MRPS27: variants seen among roughly 807,000 people sequenced by gnomAD.
The protein encoded by MRPS27 is small ribosomal subunit protein mS27.
A neutral mutation model predicts 48.9 loss-of-function variants in MRPS27; 43 were observed. The ratio of observed to expected loss-of-function variants is 0.88; its 90% CI spans 0.69 to 1.13. The LOEUF (loss-of-function observed/expected upper bound fraction) is 1.13, where lower values mean the gene tolerates loss of function less well. MRPS27 is among the 50% of genes most tolerant of loss of function. MRPS27 has a pLI of 0.00. For missense variants in MRPS27, 467 were observed against 476.3 expected (o/e 0.98, Z 0.18); for synonymous variants, 188 against 171.9 (o/e 1.09, Z -0.73).
chr5:72,317,021 C>A (rs1750582632), intron 1 of MRPS27, among the ~76,000 whole-genome samples: 1 of 148,870 alleles, frequency 6.7e-6, no homozygotes, highest in Admixed American at 6.7e-5. Flanking sequence ...AAGAGCGAAA[C>A]TCCGTCTCAA....
At chr5:72,228,714 A>G (rs1025178014) in intron 7 of MRPS27, 1 of 180,914 alleles carries the variant, frequency 5.5e-6, no homozygotes, top group African/African-American at 2.4e-5. Context: ...TAAAGAGTAC[A>G]CTTTAAACCG....
At chr5:72,287,037 T>C (rs1749689879) in intron 4 of MRPS27, among the ~76,000 whole-genome samples, 1 of 152,112 alleles carries the variant, frequency 6.6e-6, no homozygotes, top group Non-Finnish European at 1.5e-5. Context: ...GGTGGGTGGG[T>C]GAGCATTACC....
At chr5:72,244,485 C>T (rs1452162131) in intron 4 of MRPS27, among the ~76,000 whole-genome samples, 1 of 152,118 alleles carries the variant, frequency 6.6e-6, no homozygotes, top group Non-Finnish European at 1.5e-5. Context: ...AGAAAGCAAT[C>T]AAAAGTAGGA....
intron 2 of MRPS27, among the ~76,000 whole-genome samples, chr5:72,298,903 T>C (rs1047937945): frequency 3.3e-5 from 5 of 151,638 alleles, no homozygotes; most frequent in African/African-American, 9.7e-5. Flanking sequence ...ACAGAAAATA[T>C]GGTACATATA....
At position 72,285,766 on chromosome 5, in the gene MRPS27, C is replaced by T. The variant is rs373486649; in HGVS notation, c.281+9765G>A. ...TCTCAAACTCCTGACTTCAAGGGAT[C>T]TTTCCACCTCAGTCAACCAAAGTGT... On this transcript the variant is annotated intron_variant, in intron 4 of 10. Coordinates refer to ENST00000261413, the MANE Select transcript of MRPS27 (RefSeq NM_015084.3). Among the ~76,000 whole-genome samples, 20 of 152,336 alleles carry T rather than the reference C, an allele frequency of 1.3e-4. 1 individual carries two copies. The highest frequency in any genetic ancestry group is 7.2e-4 in the Admixed American group (11 of 15,312).
intron 2 of MRPS27, among the ~76,000 whole-genome samples, chr5:72,311,252 A>G (rs1750434661): frequency 6.6e-6 from 1 of 152,198 alleles, no homozygotes. Context: ...GGTAATGTAC[A>G]TTGAAGTATT....
intron 4 of MRPS27, among the ~76,000 whole-genome samples, chr5:72,258,056 C>A (rs1748858672): frequency 6.8e-6 from 1 of 147,568 alleles, no homozygotes; most frequent in Admixed American, 6.9e-5. Context: ...TGCACTCCAG[C>A]CTGGACAACA....
chr5:72,297,547 T>G, intron 3 of MRPS27, 85 bp downstream of exon 3: 1 of 779,368 alleles, frequency 1.3e-6, no homozygotes, highest in South Asian at 1.8e-5. Flanking sequence ...AAACTATTTT[T>G]TATTTACACA....
rs985444237 is a variant in MRPS27 at position 72,295,727 on chromosome 5, T to G, written c.223-138A>C. On this transcript the variant is annotated intron_variant, in intron 3 of 10. Transcript: ENST00000261413. The stretch of plus-strand genomic sequence containing the variant: ...ACGATGGTGATGCTTAGTGGAACAA[T>G]GTTCACGTGGTATGGCTCCATCCTT... The G allele has an allele frequency of 1.6e-5, 10 of 616,028 alleles. No homozygotes were observed. In the African/African-American group the frequency reaches 2.5e-4, roughly 15 times the overall value. The allele number at this position is 616,028 out of a possible 1,614,324, so 38.2% of individuals were successfully genotyped here.
Position 72,219,479 on chromosome 5 carries a change from G to A in MRPS27, c.*1430C>T, listed in dbSNP as rs1265469189. The A allele has an allele frequency of 7.2e-5, 11 of 152,128 alleles. No homozygotes were observed. The highest frequency in any genetic ancestry group is 6.5e-4 in the Admixed American group (10 of 15,274). 9.4% of individuals were successfully genotyped at this position (152,128 alleles called of 1,614,324 possible). ...TCCTCAAAATCATAGTAACAATAATGAGTCCCTCTCCCTCCTCCCTTTCCC... is the reference window on the plus strand; with the variant it reads ...TCCTCAAAATCATAGTAACAATAATAAGTCCCTCTCCCTCCTCCCTTTCCC... On this transcript the variant is annotated 3_prime_UTR_variant, in exon 11 of 11. Coordinates refer to ENST00000261413, the MANE Select transcript of MRPS27 (RefSeq NM_015084.3).
chr5:72,320,147 A>C lies in MRPS27; in HGVS notation c.73+2T>G. On this transcript the variant is annotated splice_donor_variant, in intron 1 of 10. Coordinates refer to ENST00000261413, the MANE Select transcript of MRPS27 (RefSeq NM_015084.3). LOFTEE classifies it high-confidence loss of function. Reference sequence around the variant, plus strand: ...GGGGCCTAATGAAGCTGTCCGGCCAACCTGCAGGAGAGAGCTGAGGAAGAA... The same window carrying C: ...GGGGCCTAATGAAGCTGTCCGGCCACCCTGCAGGAGAGAGCTGAGGAAGAA... The C allele has an allele frequency of 6.2e-7, 1 of 1,613,774 alleles. No individual in the cohort carries two copies.
At chr5:72,269,549 G>C (rs952055461) in intron 4 of MRPS27, among the ~76,000 whole-genome samples, 2 of 152,192 alleles carry the variant, frequency 1.3e-5, no homozygotes, top group Admixed American at 1.3e-4. Context: ...TTGAATGAAA[G>C]GCAGATCAGT....
chr5:72,295,521 GA>G lies in MRPS27; in HGVS notation c.281+9del. On this transcript the variant is annotated intron_variant, in intron 4 of 10. Transcript: ENST00000261413. ...ACAGAGTACATAGCCAAATCAAATG[GA>G]AAACTTACTTGTAAAGGTAATACTC... The G allele has an allele frequency of 6.3e-7, 1 of 1,599,858 alleles. No individual in the cohort carries two copies. Among genetic ancestry groups the G allele is most frequent in the South Asian group, 1.1e-5 (1 of 90,426 alleles).
In MRPS27 at chr5:72,292,675, T is replaced by G. The variant is rs187501931; in HGVS notation, c.281+2856A>C. On this transcript the variant is annotated intron_variant, in intron 4 of 10. Transcript: ENST00000261413. ...GATCATTCAAGGTTTCTAAACTTCT[T>G]TGGCTCTAGACTTTACATAATAATT... 6.6e-5 allele frequency among the ~76,000 whole-genome samples: 10 copies of G among 152,324 alleles called. 1 individual carries two copies. The highest frequency in any genetic ancestry group is 2.4e-4 in the African/African-American group (10 of 41,570).
At chr5:72,310,800 A>G (rs1177594996) in intron 2 of MRPS27, among the ~76,000 whole-genome samples, 1 of 152,212 alleles carries the variant, frequency 6.6e-6, no homozygotes, top group East Asian at 1.9e-4. Context: ...CAGAAGGGAG[A>G]AAAACAGTAA....
intron 4 of MRPS27, among the ~76,000 whole-genome samples, chr5:72,248,880 C>T (rs1748582224): frequency 1.3e-5 from 2 of 152,112 alleles, no homozygotes; most frequent in South Asian, 4.1e-4. Context: ...CATGGCTGCA[C>T]TTTGTGGGAG....
intron 4 of MRPS27, among the ~76,000 whole-genome samples, chr5:72,268,931 A>G (rs1196637907): frequency 1.3e-5 from 2 of 152,204 alleles, no homozygotes; most frequent in Non-Finnish European, 2.9e-5. Context: ...GGGTTAGTGT[A>G]AACAGCTACT....
chr5:72,285,994 A>G (rs1749661781), intron 4 of MRPS27, among the ~76,000 whole-genome samples: 1 of 152,178 alleles, frequency 6.6e-6, no homozygotes, highest in South Asian at 2.1e-4. Flanking sequence ...ATTTATTTCC[A>G]TCTCAAATCC....
intron 4 of MRPS27, among the ~76,000 whole-genome samples, chr5:72,288,458 G>A (rs564367066): frequency 5.9e-4 from 90 of 152,214 alleles, no homozygotes; most frequent in African/African-American, 1.9e-3. Flanking sequence ...TGATCTGCCC[G>A]CCTCGGCTCC....
Sources: gnomAD v4.1 joint callset for allele counts (sites outside exome capture counted in the v4.1 genomes callset) on GRCh38, gnomAD v4.1.1 for gene constraint, MANE v1.5 for transcripts, NCBI Gene and HGNC (gene_info 2026-07-23, HGNC 2026-07-21) for gene names.